The following PTPRT variants were observed in gnomAD, a reference collection of about 807,000 sequenced individuals.
The protein encoded by PTPRT is protein tyrosine phosphatase receptor type T.
A neutral mutation model predicts 176.8 loss-of-function variants in PTPRT; 56 were observed. The ratio of observed to expected loss-of-function variants is 0.32; its 90% CI spans 0.26 to 0.40. The LOEUF is 0.40. Ranked by LOEUF, PTPRT falls within the 10% of genes least tolerant of loss-of-function variation. The pLI is 1.00. For synonymous variants in PTPRT, 783 were observed against 739.0 expected (o/e 1.06, Z -0.96); for missense variants, 1,540 against 1,908.2 (o/e 0.81, Z 3.60).
intron 1 of PTPRT, among the ~76,000 whole-genome samples, chr20:42,926,088 G>T (rs1271978052): frequency 2.0e-5 from 3 of 152,208 alleles, no homozygotes; most frequent in African/African-American, 7.2e-5. Context: ...CTGACTCGGG[G>T]CTGCCTCAAC....
At chr20:42,909,133 C>T (rs890030484) in intron 1 of PTPRT, among the ~76,000 whole-genome samples, 14 of 152,054 alleles carry the variant, frequency 9.2e-5, no homozygotes, top group Admixed American at 7.9e-4. Context: ...TCAGTCTGGG[C>T]GACAGAGCAA....
At chr20:42,272,725 A>ATG (rs1568728185) in intron 13 of PTPRT, among the ~76,000 whole-genome samples, 2 of 144,036 alleles carry the variant, frequency 1.4e-5, no homozygotes, top group African/African-American at 5.1e-5. Flanking sequence ...GTGCGCGCAC[A>ATG]CACACACACA....
chr20:42,110,988 G>A (rs897333517), intron 22 of PTPRT, among the ~76,000 whole-genome samples: 7 of 152,166 alleles, frequency 4.6e-5, no homozygotes, highest in African/African-American at 1.7e-4. Context: ...ATATAACTTA[G>A]TACTGACTTC....
intron 12 of PTPRT, among the ~76,000 whole-genome samples, chr20:42,293,188 C>T (rs896219550): frequency 1.3e-5 from 2 of 152,186 alleles, no homozygotes; most frequent in Admixed American, 1.3e-4. Flanking sequence ...TCAAACCCAA[C>T]CTCTGAAAAT....
intron 1 of PTPRT, among the ~76,000 whole-genome samples, chr20:42,893,688 A>G (rs1476270577): frequency 1.3e-5 from 2 of 151,970 alleles, no homozygotes; most frequent in Non-Finnish European, 2.9e-5. Context: ...GCCATAAAAA[A>G]TGATGAGTTC....
At chr20:42,880,958 T>C (rs1224023234) in intron 2 of PTPRT, among the ~76,000 whole-genome samples, 2 of 152,208 alleles carry the variant, frequency 1.3e-5, no homozygotes, top group Non-Finnish European at 2.9e-5. Flanking sequence ...AAGCCCTCGA[T>C]GCAGCAATGC....
intron 2 of PTPRT, among the ~76,000 whole-genome samples, chr20:42,816,563 G>C (rs2077790213): frequency 6.6e-6 from 1 of 152,188 alleles, no homozygotes; most frequent in South Asian, 2.1e-4. Flanking sequence ...GGATCAGAGG[G>C]AGGTTTCCCC....
At chr20:42,621,217 C>T (rs142587348) in intron 7 of PTPRT, among the ~76,000 whole-genome samples, 261 of 152,314 alleles carry the variant, frequency 1.7e-3, no homozygotes, top group African/African-American at 5.9e-3. Context: ...GGCTCTAGAT[C>T]GCCTGCCCTC....
At chr20:43,137,771 GAC>G (rs949677747) in intron 1 of PTPRT, among the ~76,000 whole-genome samples, 5 of 152,094 alleles carry the variant, frequency 3.3e-5, no homozygotes, top group African/African-American at 7.2e-5. Flanking sequence ...CATGCACTCA[GAC>G]ACACACACGC....
intron 2 of PTPRT, among the ~76,000 whole-genome samples, chr20:42,873,962 A>G (rs1185523542): frequency 1.3e-5 from 2 of 152,166 alleles, no homozygotes; most frequent in African/African-American, 4.8e-5. Context: ...TCAAATTACT[A>G]TAATAGCCAA....
the PTPRT span, among the ~76,000 whole-genome samples, chr20:42,060,500 G>C: frequency 6.6e-6 from 1 of 152,188 alleles, no homozygotes; most frequent in Non-Finnish European, 1.5e-5. Context: ...GGACCTGGTG[G>C]GAGGTAAGTG....
intron 6 of PTPRT, among the ~76,000 whole-genome samples, chr20:42,684,903 A>T (rs933203849): frequency 2.0e-5 from 3 of 152,184 alleles, no homozygotes; most frequent in African/African-American, 7.2e-5. Flanking sequence ...ACCATGGGGC[A>T]GCTCCCATGT....
In PTPRT at chr20:42,315,184, C is replaced by CAA. The variant is rs71193656; in HGVS notation, c.2139+537_2139+538dup. Among the ~76,000 whole-genome samples, 20 of 63,394 alleles carry CAA rather than the reference C, an allele frequency of 3.2e-4. No individual in the cohort carries two copies. The South Asian group carries it at 5.2e-3, about 17-fold the overall frequency. 41.6% of individuals were successfully genotyped at this position (63,394 alleles called of 152,430 possible). ...TGGGCGACAGAGCGAGGCTCCGTCT[C>CAA]AAAAAAAAAAAAAAAAAAAAAAAAA... On this transcript the variant is annotated intron_variant, in intron 12 of 30. Transcript: ENST00000373187.
the PTPRT span, among the ~76,000 whole-genome samples, chr20:42,049,971 T>C: frequency 6.6e-6 from 1 of 152,228 alleles, no homozygotes; most frequent in Admixed American, 6.5e-5. Context: ...CCTCATTCAT[T>C]ACAGCCACAT....
chr20:42,699,087 A>C (rs939916978), intron 6 of PTPRT, among the ~76,000 whole-genome samples: 1 of 152,184 alleles, frequency 6.6e-6, no homozygotes, highest in Non-Finnish European at 1.5e-5. Flanking sequence ...CAAACAACCT[A>C]AAAAGGAGTA....
chr20:42,843,719 G>C (rs2078319750), intron 2 of PTPRT, among the ~76,000 whole-genome samples: 1 of 152,256 alleles, frequency 6.6e-6, no homozygotes. Flanking sequence ...AAGGAGGAAA[G>C]TAAGCATGGA....
At chr20:43,159,451 A>C (rs1308835726) in intron 1 of PTPRT, among the ~76,000 whole-genome samples, 1 of 152,162 alleles carries the variant, frequency 6.6e-6, no homozygotes, top group Non-Finnish European at 1.5e-5. Flanking sequence ...CCATCTATAA[A>C]ATGGCAGGCA....
At chr20:43,135,956 T>TA (rs2013819458) in intron 1 of PTPRT, among the ~76,000 whole-genome samples, 1 of 152,222 alleles carries the variant, frequency 6.6e-6, no homozygotes, top group Admixed American at 6.5e-5. Flanking sequence ...GGCAAATGTT[T>TA]AAACTAAAAT....
chr20:42,227,332 C>T (rs561878958), intron 15 of PTPRT, among the ~76,000 whole-genome samples: 3 of 152,192 alleles, frequency 2.0e-5, no homozygotes, highest in East Asian at 3.9e-4. Context: ...TGCTTTTACA[C>T]CCTGTGTCAA....
Sources: allele counts gnomAD v4.1 joint callset (sites outside exome capture counted in the v4.1 genomes callset), GRCh38; gene constraint gnomAD v4.1.1; transcripts MANE v1.5; gene names NCBI Gene and HGNC (gene_info 2026-07-23, HGNC 2026-07-21).